Variants in PUM3 observed in about 807,000 individuals in gnomAD.
PUM3 encodes pumilio RNA binding family member 3, also known as pumilio homolog 3.
In PUM3, 91 loss-of-function variants were observed where a neutral mutation model predicts 84.0. The observed-to-expected ratio is 1.08, with a 90% CI of 0.91 to 1.29. The LOEUF (loss-of-function observed/expected upper bound fraction) is 1.29, where lower values mean the gene tolerates loss of function less well. PUM3 is among the 50% of genes most tolerant of loss of function. The probability of loss-of-function intolerance (pLI) is 0.00; values close to 1 mark genes in which losing one functional copy is unlikely to be tolerated. For synonymous variants in PUM3, 321 were observed against 266.7 expected, an observed-to-expected ratio of 1.20 and a Z score of -1.98; for missense variants, 1,067 against 767.5, an observed-to-expected ratio of 1.39 and a Z score of -4.61.
chr9:2,815,897 A>C (rs929433208), intron 13 of PUM3, among the ~76,000 whole-genome samples: 2 of 152,224 alleles, frequency 1.3e-5, no homozygotes, highest in African/African-American at 4.8e-5. Context: ...CAAAGAAAGC[A>C]TGGGAATTAC....
At chr9:2,827,047 T>C in intron 10 of PUM3, 26 bp downstream of exon 10, 1 of 1,588,248 alleles carries the variant, frequency 6.3e-7, no homozygotes, top group Non-Finnish European at 8.6e-7. Context: ...CATGTTTTAG[T>C]TTAAAAACAA....
At position 2,829,793 on chromosome 9, in the gene PUM3, T is replaced by G. The variant is rs1384481092; in HGVS notation, c.833A>C (p.Asn278Thr). Residue 278 changes from asparagine to threonine, a missense_variant, in exon 8 of 18, where the codon AAC (asparagine) becomes ACC (threonine). Transcript: ENST00000397885. The part of the protein sequence containing the change: ...RNMLTEELYG[N>T]TFQLYKSADH... ...TGTCACCTTGTAAAGCTGAAATGTG[T>G]TCCCATAGAGCTCTTCCGTCAGCAT... 1.2e-6 allele frequency: 2 copies of G among 1,613,024 alleles called. No individual in the cohort carries two copies. Among genetic ancestry groups the G allele is most frequent in the East Asian group, 4.5e-5 (2 of 44,856 alleles).
Position 2,838,437 on chromosome 9 carries a change from T to A in PUM3, c.71A>T (p.His24Leu), listed in dbSNP as rs772434075. 4 of 1,609,994 alleles carry A rather than the reference T, an allele frequency of 2.5e-6. No homozygotes were observed. ...GAAGCATATCTTACCACTATTTTTA[T>A]GAAATCTGTTTTTTTCTTGTGCTGT... The part of the protein sequence containing the change: ...TKTAQEKNRF[H>L]KNSDSGSSKT... Residue 24 changes from histidine (H) to leucine (L), a missense_variant, in exon 2 of 18, where the codon CAT becomes CTT. His to Leu is a moderately conservative substitution (Grantham distance 99, BLOSUM62 -3). Transcript: ENST00000397885.
intron 13 of PUM3, among the ~76,000 whole-genome samples, chr9:2,817,769 CA>C (rs1478408708): frequency 6.6e-6 from 1 of 152,140 alleles, no homozygotes; most frequent in African/African-American, 2.4e-5. Context: ...TATTTCATGT[CA>C]GGTGGTGGGA....
Position 2,807,861 on chromosome 9 carries a change from GT to G in PUM3, c.1766del (p.Asn589ThrfsTer2), listed in dbSNP as rs748996200. 7 of 1,613,648 alleles carry G rather than the reference GT, an allele frequency of 4.3e-6. No homozygotes were observed. The highest frequency in any genetic ancestry group is 5.9e-6 in the Non-Finnish European group (7 of 1,179,830). On this transcript the variant is annotated frameshift_variant, in exon 17 of 18. Coordinates refer to ENST00000397885, the MANE Select transcript of PUM3 (RefSeq NM_014878.5). LOFTEE classifies it high-confidence loss of function. Reference sequence around the variant, plus strand: ...GATTTACACTAGCCCAGGACTTCAGGTTCTTCATACCAACATGCTCTACAAG... The same window carrying G: ...GATTTACACTAGCCCAGGACTTCAGGTCTTCATACCAACATGCTCTACAAG... Reference protein sequence around the residue: ...KTLVEHVGMKNLKSWASVNRG... With the variant: ...KTLVEHVGMKXLKSWASVNRG...
At chr9:2,829,562 A>G (rs549177152) in intron 8 of PUM3, among the ~76,000 whole-genome samples, 3 of 152,246 alleles carry the variant, frequency 2.0e-5, no homozygotes, top group African/African-American at 7.2e-5. Context: ...TTTGAATTGA[A>G]GGGGATTTAA....
At chr9:2,824,471 G>C (rs1054896135) in intron 11 of PUM3, among the ~76,000 whole-genome samples, 1 of 152,222 alleles carries the variant, frequency 6.6e-6, no homozygotes, top group Non-Finnish European at 1.5e-5. Flanking sequence ...TTACTTGCTT[G>C]ATAGATCTCT....
intron 9 of PUM3, chr9:2,828,356 G>GT (rs1428603682): frequency 2.3e-5 from 5 of 219,364 alleles, no homozygotes; most frequent in Non-Finnish European, 4.4e-5. Flanking sequence ...CCAAATTTGA[G>GT]TAACAGATTA....
intron 5 of PUM3, among the ~76,000 whole-genome samples, chr9:2,832,910 T>C (rs1322972370): frequency 2.6e-5 from 4 of 152,218 alleles, no homozygotes; most frequent in Non-Finnish European, 5.9e-5. Flanking sequence ...TACTTTAGAA[T>C]TCTGAAATGA....
At chr9:2,835,273 C>A (rs757788992) in intron 3 of PUM3, among the ~76,000 whole-genome samples, 1 of 152,066 alleles carries the variant, frequency 6.6e-6, no homozygotes, top group Non-Finnish European at 1.5e-5. Flanking sequence ...AAAAAATTAG[C>A]CGGGTGTGGT....
rs1315767409 is a variant in PUM3 at position 2,832,724 on chromosome 9, A to C, written c.516+633T>G. Among the ~76,000 whole-genome samples the C allele has an allele frequency of 2.0e-5, 3 of 152,170 alleles. No homozygotes were observed. In the East Asian group the frequency reaches 5.8e-4, roughly 29 times the overall value. ...AGCTGATGACTTGCTACTTTCCTTC[A>C]AACTGTAATATAGCATCTGGTTAGA... is the stretch of plus-strand genomic sequence containing the variant. On this transcript the variant is annotated intron_variant, in intron 5 of 17. Coordinates refer to ENST00000397885, the MANE Select transcript of PUM3 (RefSeq NM_014878.5).
At chr9:2,815,042 A>G (rs190960364) in intron 13 of PUM3, among the ~76,000 whole-genome samples, 90 of 152,340 alleles carry the variant, frequency 5.9e-4, no homozygotes, top group African/African-American at 2.1e-3. Context: ...TGATATGCAT[A>G]AAACCTGTGC....
Position 2,833,455 on chromosome 9 carries a change from AAC to A in PUM3, c.441-25_441-24del, listed in dbSNP as rs760989135. On this transcript the variant is annotated intron_variant, in intron 4 of 17. Coordinates refer to ENST00000397885, the MANE Select transcript of PUM3 (RefSeq NM_014878.5). ...TTTCTACAAATGAGGAGAGGAAGGA[AAC>A]ACAGTTGAAATAAAGAAGTTATTTT... 2.3e-6 allele frequency: 3 copies of A among 1,309,816 alleles called. No homozygotes were observed. In the Admixed American group the frequency reaches 5.4e-5, roughly 24 times the overall value. 81.1% of individuals were successfully genotyped at this position (1,309,816 alleles called of 1,614,324 possible).
At chr9:2,824,646 T>C in intron 11 of PUM3, 71 bp downstream of exon 11, 1 of 995,830 alleles carries the variant, frequency 1.0e-6, no homozygotes, top group East Asian at 3.0e-5. Flanking sequence ...TAAGGACAGC[T>C]AAGTCAAGCC....
At chr9:2,809,795 CA>C (rs773516540) in intron 16 of PUM3, among the ~76,000 whole-genome samples, 1 of 152,154 alleles carries the variant, frequency 6.6e-6, no homozygotes, top group Non-Finnish European at 1.5e-5. Context: ...TTCTACAGAG[CA>C]GCTGTAAGGC....
rs938679089 is a variant in PUM3 at position 2,804,312 on chromosome 9, T to C, written c.*19A>G. 5.6e-6 allele frequency: 9 copies of C among 1,609,138 alleles called. No individual in the cohort carries two copies. The highest frequency in any genetic ancestry group is 1.8e-4 in the Middle Eastern group (1 of 5,568). ...GAGAACAGAAAAAATCATTCCATCT[T>C]GCTCTTAACTCTTTCCACCTATGTG... On this transcript the variant is annotated 3_prime_UTR_variant, in exon 18 of 18. Transcript: ENST00000397885.
chr9:2,810,991 A>G (rs140643290), intron 15 of PUM3, among the ~76,000 whole-genome samples: 1 of 152,330 alleles, frequency 6.6e-6, no homozygotes, highest in East Asian at 1.9e-4. Flanking sequence ...GTCTCCTTAT[A>G]GAGAAACTTT....
chr9:2,834,556 G>C (rs546796680), intron 3 of PUM3, among the ~76,000 whole-genome samples: 2 of 152,238 alleles, frequency 1.3e-5, no homozygotes, highest in African/African-American at 4.8e-5. Flanking sequence ...ATGAAAACAA[G>C]AAAAACAACT....
Position 2,831,238 on chromosome 9 carries a change from A to C in PUM3, c.610+13T>G, listed in dbSNP as rs1404539270. 6.7e-7 allele frequency: 1 copy of C among 1,481,844 alleles called. No individual in the cohort carries two copies. The highest frequency in any genetic ancestry group is 1.8e-5 in the Admixed American group (1 of 57,014). The allele number at this position is 1,481,844 out of a possible 1,614,324, so 91.8% of individuals were successfully genotyped here. A position where few individuals can be genotyped will look rare whatever the true frequency, so the allele number is the denominator to read the frequency against. On this transcript the variant is annotated intron_variant, in intron 6 of 17. Transcript: ENST00000397885. The stretch of plus-strand genomic sequence containing the variant: ...TGCAAATGATAACATAATCTTTAGT[A>C]TGTAATAAATACCTCGCAATTCTTC...
Sources: gnomAD v4.1 joint callset for allele counts (sites outside exome capture counted in the v4.1 genomes callset) on GRCh38, gnomAD v4.1.1 for gene constraint, MANE v1.5 for transcripts, NCBI Gene and HGNC (gene_info 2026-07-23, HGNC 2026-07-21) for gene names.